The following ASPH variants were observed in gnomAD, a reference collection of about 807,000 sequenced individuals.
The protein encoded by ASPH is aspartate beta-hydroxylase.
In ASPH, 100 loss-of-function variants were observed where a neutral mutation model predicts 118.4. The observed-to-expected ratio is 0.84, with a 90% CI of 0.72 to 1.00. ASPH has a LOEUF of 1.00. Ranked by LOEUF, ASPH falls within the 50% of genes least tolerant of loss-of-function variation. The probability of loss-of-function intolerance (pLI) is 0.00; values close to 1 mark genes in which losing one functional copy is unlikely to be tolerated. For synonymous variants in ASPH, 315 were observed against 325.6 expected, an observed-to-expected ratio of 0.97 and a Z score of 0.35; for missense variants, 920 against 919.5, an observed-to-expected ratio of 1.00 and a Z score of -0.01.
chr8:61,537,352 C>T (rs1472320844), intron 21 of ASPH, among the ~76,000 whole-genome samples: 1 of 152,122 alleles, frequency 6.6e-6, no homozygotes, highest in Non-Finnish European at 1.5e-5. Context: ...AACAAATTGC[C>T]TATAATGTGT....
At chr8:61,683,672 A>G (rs903657783) in intron 2 of ASPH, 1 of 161,212 alleles carries the variant, frequency 6.2e-6, no homozygotes, top group African/African-American at 2.4e-5. Context: ...TCCATTAGCA[A>G]GTCCTTAAAT....
Position 61,590,550 on chromosome 8 carries a change from C to CTGTGTG in ASPH, c.977-6527_977-6522dup, listed in dbSNP as rs5891814. Among the ~76,000 whole-genome samples the CTGTGTG allele has an allele frequency of 3.7e-3, 547 of 146,790 alleles. 4 individuals are homozygous for CTGTGTG. Among genetic ancestry groups the CTGTGTG allele is most frequent in the African/African-American group, 0.012 (480 of 39,506 alleles). ...ATTAAATACGGACCTTAATTTAACT[C>CTGTGTG]TGTGTGTGTGTGTGTGTGTGTGTGT... On this transcript the variant is annotated intron_variant, in intron 14 of 24. Transcript: ENST00000379454.
At chr8:61,599,755 T>C (rs1215675587) in intron 14 of ASPH, among the ~76,000 whole-genome samples, 1 of 151,760 alleles carries the variant, frequency 6.6e-6, no homozygotes, top group Non-Finnish European at 1.5e-5. Flanking sequence ...CAATAACAAG[T>C]AATGAGACTG....
At chr8:61,627,185 T>C (rs1363244062) in intron 13 of ASPH, among the ~76,000 whole-genome samples, 3 of 152,222 alleles carry the variant, frequency 2.0e-5, no homozygotes, top group African/African-American at 4.8e-5. Flanking sequence ...GCTTTCTTCA[T>C]AGTCAACAAT....
intron 1 of ASPH, among the ~76,000 whole-genome samples, chr8:61,697,418 G>C (rs575012206): frequency 6.6e-6 from 1 of 152,266 alleles, no homozygotes; most frequent in African/African-American, 2.4e-5. Flanking sequence ...GTAGACACCA[G>C]CTGGCTGTCC....
At chr8:61,672,017 C>G (rs1241757276) in intron 3 of ASPH, among the ~76,000 whole-genome samples, 2 of 152,216 alleles carry the variant, frequency 1.3e-5, no homozygotes, top group African/African-American at 2.4e-5. Flanking sequence ...ACCTGTGAGT[C>G]ACTGTAAGCC....
chr8:61,665,172 A>G (rs1818895466), intron 3 of ASPH: 2 of 1,517,976 alleles, frequency 1.3e-6, no homozygotes, highest in South Asian at 2.8e-5. Context: ...AATCAGAGCA[A>G]TATTACATTT....
intron 15 of ASPH, chr8:61,579,366 GC>G (rs1836604785): frequency 6.2e-7 from 1 of 1,614,000 alleles, no homozygotes; most frequent in African/African-American, 1.3e-5. Flanking sequence ...CGTCAAGCTG[GC>G]CCTGGACATC....
chr8:61,624,527 TGAC>T (rs1371457068), intron 13 of ASPH: 1 of 965,358 alleles, frequency 1.0e-6, no homozygotes, highest in African/African-American at 1.8e-5. Context: ...TCAAAAATAA[TGAC>T]AATATAGAGA....
rs117239971 is a variant in ASPH at position 61,616,333 on chromosome 8, G to C, written c.976+2645C>G. Among the ~76,000 whole-genome samples, 189 of 152,292 alleles carry C rather than the reference G, an allele frequency of 1.2e-3. No individual in the cohort carries two copies. The East Asian group carries it at 0.024, about 19-fold the overall frequency. On this transcript the variant is annotated intron_variant, in intron 14 of 24. Coordinates refer to ENST00000379454, the MANE Select transcript of ASPH (RefSeq NM_004318.4). ...CTAGAATGGGAGGTCTGGAGCATGA[G>C]AGGCAGAGATATGAGGAGCTCACAA...
intron 22 of ASPH, among the ~76,000 whole-genome samples, chr8:61,523,317 T>G (rs1563687823): frequency 6.8e-6 from 1 of 146,462 alleles, no homozygotes; most frequent in Non-Finnish European, 1.5e-5. Context: ...TCTTTCTTTC[T>G]TTCTTTTTTT....
chr8:61,677,554 G>GA (rs1754807074), intron 3 of ASPH, among the ~76,000 whole-genome samples: 1 of 152,152 alleles, frequency 6.6e-6, no homozygotes, highest in African/African-American at 2.4e-5. Flanking sequence ...AGATTATAGT[G>GA]AATTTTCTCT....
intron 5 of ASPH, among the ~76,000 whole-genome samples, chr8:61,647,951 G>A (rs2151049818): frequency 6.6e-6 from 1 of 152,268 alleles, no homozygotes; most frequent in Middle Eastern, 3.4e-3. Context: ...TTCCAGCAGA[G>A]TATCTCCTGT....
chr8:61,669,261 CA>C (rs1347376825), intron 3 of ASPH, among the ~76,000 whole-genome samples: 8 of 152,178 alleles, frequency 5.3e-5, no homozygotes, highest in African/African-American at 1.4e-4. Flanking sequence ...TTATATTGTT[CA>C]AACCTCCCCT....
chr8:61,536,588 T>G (rs1819699691), intron 21 of ASPH, among the ~76,000 whole-genome samples: 2 of 152,294 alleles, frequency 1.3e-5, no homozygotes, highest in African/African-American at 4.8e-5. Flanking sequence ...TCCTATGTGA[T>G]TAGAGGAGGG....
chr8:61,632,027 T>C (rs924016494), intron 13 of ASPH: 5 of 152,332 alleles, frequency 3.3e-5, no homozygotes, highest in African/African-American at 4.8e-5. Context: ...CAGAGGTAGA[T>C]CTTGATCTAC....
rs1218200754 is a variant in ASPH, at chr8:61,517,585, T to A, written c.2069A>T (p.His690Leu). The A allele has an allele frequency of 1.9e-6, 3 of 1,614,042 alleles. No homozygotes were observed. ...TTCCTTGGGAATCACCAAGCCCAGG[T>A]GCATTCGGAGCCTGCAGTTTGTGGG... ...TGPTNCRLRM[H>L]LGLVIPKEGC... The change falls in exon 24 of 25, where the codon CAC becomes CTC. Residue 690 changes from histidine to leucine, a missense_variant. Physicochemically the swap from His to Leu is moderately conservative, Grantham distance 99. Transcript: ENST00000379454.
chr8:61,556,986 C>T (rs1359547860), intron 18 of ASPH, among the ~76,000 whole-genome samples: 1 of 152,224 alleles, frequency 6.6e-6, no homozygotes, highest in East Asian at 1.9e-4. Flanking sequence ...TTTCAGCTTG[C>T]ATCTTGTCCT....
chr8:61,662,637 C>T (rs1386185870), intron 3 of ASPH, among the ~76,000 whole-genome samples: 1 of 151,644 alleles, frequency 6.6e-6, no homozygotes, highest in Non-Finnish European at 1.5e-5. Context: ...ACTTCAACTT[C>T]AATAAAAGTT....
Sources: allele counts gnomAD v4.1 joint callset (sites outside exome capture counted in the v4.1 genomes callset), GRCh38; gene constraint gnomAD v4.1.1; transcripts MANE v1.5; gene names NCBI Gene and HGNC (gene_info 2026-07-23, HGNC 2026-07-21).